FOXP1: variants seen among roughly 807,000 people sequenced by gnomAD.
The protein encoded by FOXP1 is forkhead box P1.
A neutral mutation model predicts 98.2 loss-of-function variants in FOXP1; 15 were observed. The observed-to-expected ratio is 0.15, with a 90% CI of 0.10 to 0.24. FOXP1 has a LOEUF of 0.24. FOXP1 is among the 10% of genes least tolerant of loss of function. The probability of loss-of-function intolerance (pLI) is 1.00; values close to 1 mark genes in which losing one functional copy is unlikely to be tolerated. For synonymous variants in FOXP1, 371 were observed against 314.5 expected (o/e 1.18, Z -1.90); for missense variants, 633 against 848.5 (o/e 0.75, Z 3.15).
chr3:71,391,644 A>G (rs567371064), intron 3 of FOXP1, among the ~76,000 whole-genome samples: 9 of 152,348 alleles, frequency 5.9e-5, no homozygotes, highest in African/African-American at 1.7e-4. Flanking sequence ...GCGTTACTAC[A>G]CTGAACATCT....
In FOXP1 at chr3:71,581,721, C is replaced by T. The variant is rs574382603; in HGVS notation, c.-446-24G>A. The T allele has an allele frequency of 1.4e-5, 14 of 985,714 alleles. No individual in the cohort carries two copies. In the South Asian group the frequency reaches 6.1e-4, roughly 43 times the overall value. 61.1% of individuals were successfully genotyped at this position (985,714 alleles called of 1,614,324 possible). A position where few individuals can be genotyped will look rare whatever the true frequency, so the allele number is the denominator to read the frequency against. On this transcript the variant is annotated intron_variant, in intron 1 of 20. Coordinates refer to ENST00000649528, the MANE Select transcript of FOXP1 (RefSeq NM_001349338.3). ...TTCTGCAGTCGACAAGAAACCGGGG[C>T]GACCCTCAGCAAGTCTTCCCCGTGC... is the stretch of plus-strand genomic sequence containing the variant.
At chr3:71,296,437 T>A (rs893412148) in intron 5 of FOXP1, 16 of 152,342 alleles carry the variant, frequency 1.1e-4, no homozygotes, top group Non-Finnish European at 2.1e-4. Flanking sequence ...ACAAACCTTT[T>A]ATTTCTTTCT....
chr3:71,583,312 C>T (rs371567742), intron 1 of FOXP1, among the ~76,000 whole-genome samples: 2 of 151,938 alleles, frequency 1.3e-5, no homozygotes, highest in East Asian at 3.9e-4. Context: ...CCTCCACCCG[C>T]GCGCCGGCCC....
At chr3:71,201,747 G>A (rs953068699) in intron 5 of FOXP1, among the ~76,000 whole-genome samples, 1 of 151,750 alleles carries the variant, frequency 6.6e-6, no homozygotes, top group African/African-American at 2.4e-5. Flanking sequence ...TCTAATTATC[G>A]GGATATATCT....
chr3:71,497,113 G>A (rs1251763169), intron 2 of FOXP1, among the ~76,000 whole-genome samples: 5 of 151,540 alleles, frequency 3.3e-5, no homozygotes, highest in African/African-American at 9.7e-5. Flanking sequence ...AAAAATACCA[G>A]AAGATAGATA....
intron 3 of FOXP1, among the ~76,000 whole-genome samples, chr3:71,424,778 C>T (rs1467149628): frequency 5.3e-5 from 8 of 152,200 alleles, no homozygotes; most frequent in Admixed American, 5.2e-4. Context: ...GCTGGGCTGG[C>T]TTCTGTCAGC....
At chr3:71,034,891 AC>A (rs1389622601) in intron 11 of FOXP1, among the ~76,000 whole-genome samples, 1 of 152,222 alleles carries the variant, frequency 6.6e-6, no homozygotes, top group African/African-American at 2.4e-5. Flanking sequence ...TGAGGACTGA[AC>A]CTGTCTGGTG....
chr3:70,998,464 C>A (rs552870328), intron 13 of FOXP1, among the ~76,000 whole-genome samples: 2 of 152,156 alleles, frequency 1.3e-5, no homozygotes, highest in Non-Finnish European at 2.9e-5. Context: ...CTGCTCTCAA[C>A]GAGGTCTATG....
chr3:71,443,820 T>C (rs936111194), intron 3 of FOXP1, among the ~76,000 whole-genome samples: 3 of 152,216 alleles, frequency 2.0e-5, no homozygotes, highest in Non-Finnish European at 4.4e-5. Flanking sequence ...GAAAATTCTA[T>C]AGTATTGTAG....
chr3:71,321,539 C>T (rs886318433), intron 4 of FOXP1, among the ~76,000 whole-genome samples: 1 of 152,084 alleles, frequency 6.6e-6, no homozygotes, highest in Non-Finnish European at 1.5e-5. Flanking sequence ...CAGAGACCCA[C>T]AACTAGAATA....
intron 2 of FOXP1, among the ~76,000 whole-genome samples, chr3:71,529,918 C>T (rs953987625): frequency 6.6e-6 from 1 of 152,094 alleles, no homozygotes; most frequent in African/African-American, 2.4e-5. Context: ...AGTGACTGAA[C>T]CCAAGGAGGG....
At chr3:71,250,922 CTG>C (rs2068135651) in intron 5 of FOXP1, among the ~76,000 whole-genome samples, 1 of 151,718 alleles carries the variant, frequency 6.6e-6, no homozygotes, top group Admixed American at 6.6e-5. Flanking sequence ...CAGAGTGAGA[CTG>C]TGTCTCAAAA....
At chr3:71,200,083 C>CA (rs61281811) in intron 5 of FOXP1, among the ~76,000 whole-genome samples, 38,423 of 76,452 alleles carry the variant, frequency 0.5, 9,481 homozygotes, top group Admixed American at 0.61. Context: ...CTCCATCTCA[C>CA]AAAAAAAAAA....
chr3:71,277,267 T>C (rs979711600), intron 5 of FOXP1, among the ~76,000 whole-genome samples: 1 of 151,600 alleles, frequency 6.6e-6, no homozygotes, highest in African/African-American at 2.4e-5. Context: ...TGAACTTTTT[T>C]TTTTTTTTTT....
At chr3:71,420,994 T>G (rs555905181) in intron 3 of FOXP1, among the ~76,000 whole-genome samples, 252 of 152,276 alleles carry the variant, frequency 1.7e-3, no homozygotes, top group African/African-American at 5.8e-3. Flanking sequence ...ACTACAAGTT[T>G]TTTTACATTC....
At chr3:71,399,040 T>G (rs1023573466) in intron 3 of FOXP1, among the ~76,000 whole-genome samples, 7 of 152,198 alleles carry the variant, frequency 4.6e-5, no homozygotes, top group African/African-American at 7.2e-5. Flanking sequence ...GATTTAGACA[T>G]AAAAGTTATT....
At chr3:71,025,938 G>T (rs1212240296) in intron 11 of FOXP1, among the ~76,000 whole-genome samples, 3 of 152,234 alleles carry the variant, frequency 2.0e-5, no homozygotes, top group African/African-American at 7.2e-5. Context: ...GGAAGGTTAA[G>T]TGACAGTCTT....
intron 20 of FOXP1, among the ~76,000 whole-genome samples, chr3:70,961,637 T>C (rs1029778322): frequency 6.6e-6 from 1 of 152,208 alleles, no homozygotes; most frequent in African/African-American, 2.4e-5. Flanking sequence ...GGGATTTTTT[T>C]TTTTAATGGC....
At chr3:71,293,950 A>C (rs1006800297) in intron 5 of FOXP1, among the ~76,000 whole-genome samples, 1 of 152,230 alleles carries the variant, frequency 6.6e-6, no homozygotes, top group African/African-American at 2.4e-5. Flanking sequence ...TGAGGTTTTA[A>C]GACAGTTAAA....
Sources: gnomAD v4.1 joint callset for allele counts (sites outside exome capture counted in the v4.1 genomes callset) on GRCh38, gnomAD v4.1.1 for gene constraint, MANE v1.5 for transcripts, NCBI Gene and HGNC (gene_info 2026-07-23, HGNC 2026-07-21) for gene names.